The following DOCK2 variants were observed in gnomAD, a reference collection of about 807,000 sequenced individuals.
DOCK2 encodes the protein dedicator of cytokinesis 2, also known as dedicator of cytokinesis protein 2.
Under a neutral mutation model 248.9 loss-of-function variants are expected in DOCK2, and 87 were observed. The ratio of observed to expected loss-of-function variants is 0.35; its 90% CI spans 0.29 to 0.42. The LOEUF (loss-of-function observed/expected upper bound fraction) is 0.42. DOCK2 is among the 10% of genes least tolerant of loss of function. The pLI, the probability that DOCK2 is intolerant of heterozygous loss-of-function variation, is 1.00. For missense variants in DOCK2, 1,747 were observed against 2,300.2 expected, an observed-to-expected ratio of 0.76 and a Z score of 4.92; for synonymous variants, 805 against 821.6, an observed-to-expected ratio of 0.98 and a Z score of 0.35.
At chr5:169,696,735 C>A (rs954626856) in intron 10 of DOCK2, among the ~76,000 whole-genome samples, 1 of 152,008 alleles carries the variant, frequency 6.6e-6, no homozygotes, top group Non-Finnish European at 1.5e-5. Flanking sequence ...ATGCTCTGAT[C>A]TGTAATCGCA....
chr5:169,816,837 C>G (rs866988475), intron 26 of DOCK2, among the ~76,000 whole-genome samples: 1 of 152,096 alleles, frequency 6.6e-6, no homozygotes, highest in African/African-American at 2.4e-5. Context: ...ACAGTCAATG[C>G]GGTTATATTC....
At chr5:169,657,293 T>TG (rs1393506915) in intron 2 of DOCK2, among the ~76,000 whole-genome samples, 5 of 151,610 alleles carry the variant, frequency 3.3e-5, no homozygotes, top group Non-Finnish European at 7.4e-5. Flanking sequence ...TGATTCTGAT[T>TG]GAAAAAAAAA....
chr5:170,059,811 G>A (rs10045458), intron 44 of DOCK2, among the ~76,000 whole-genome samples: 33,221 of 152,142 alleles, frequency 0.22, 3,881 homozygotes, highest in African/African-American at 0.28. Context: ...TAAACTCAGC[G>A]TTTTGAAGTT....
intron 30 of DOCK2, among the ~76,000 whole-genome samples, chr5:169,997,314 C>G (rs1375555291): frequency 4.4e-5 from 6 of 136,918 alleles, no homozygotes; most frequent in South Asian, 2.5e-4. Flanking sequence ...GGTTTTATAC[C>G]GAGACATTCC....
At chr5:169,952,492 C>G (rs747152707) in intron 27 of DOCK2, among the ~76,000 whole-genome samples, 44 of 152,182 alleles carry the variant, frequency 2.9e-4, no homozygotes, top group Admixed American at 2.0e-3. Flanking sequence ...ACCTGTTTTT[C>G]TTAATGCTCC....
intron 40 of DOCK2, among the ~76,000 whole-genome samples, chr5:170,047,992 G>A (rs995920979): frequency 6.6e-6 from 1 of 152,176 alleles, no homozygotes; most frequent in Non-Finnish European, 1.5e-5. Context: ...AAAAATTATT[G>A]AGGATCCCAA....
At chr5:169,985,397 G>A (rs1300172119) in intron 28 of DOCK2, among the ~76,000 whole-genome samples, 12 of 148,298 alleles carry the variant, frequency 8.1e-5, no homozygotes, top group Admixed American at 6.7e-4. Flanking sequence ...GTGTGTGTAT[G>A]TGTGTGACAT....
intron 26 of DOCK2, among the ~76,000 whole-genome samples, chr5:169,822,259 G>C (rs112907183): frequency 1.3e-5 from 2 of 152,062 alleles, no homozygotes; most frequent in African/African-American, 4.8e-5. Context: ...AGCTCTGCAC[G>C]AAGCAGACCT....
intron 7 of DOCK2, among the ~76,000 whole-genome samples, chr5:169,682,520 T>C (rs1171066681): frequency 2.0e-5 from 3 of 152,090 alleles, no homozygotes; most frequent in African/African-American, 7.2e-5. Context: ...GCCTGAGGGG[T>C]TTTGGAAAAG....
intron 25 of DOCK2, among the ~76,000 whole-genome samples, chr5:169,770,462 G>A (rs1765022829): frequency 6.7e-6 from 1 of 149,812 alleles, no homozygotes; most frequent in African/African-American, 2.5e-5. Flanking sequence ...GTCTGGTGAA[G>A]TTTTTTAAAA....
intron 27 of DOCK2, among the ~76,000 whole-genome samples, chr5:169,932,855 C>T (rs1007280502): frequency 4.3e-4 from 64 of 150,302 alleles, no homozygotes; most frequent in African/African-American, 1.5e-3. Context: ...CATAATTTCC[C>T]AGGGCCAAAT....
intron 22 of DOCK2, among the ~76,000 whole-genome samples, chr5:169,733,766 A>C (rs758281958): frequency 6.6e-6 from 1 of 151,952 alleles, no homozygotes; most frequent in Non-Finnish European, 1.5e-5. Flanking sequence ...TGTTAGTCTT[A>C]CTATTGTTTC....
chr5:169,726,261 T>C (rs111326892), intron 22 of DOCK2, among the ~76,000 whole-genome samples: 22,837 of 152,254 alleles, frequency 0.15, 2,699 homozygotes, highest in Admixed American at 0.31. Context: ...TGACCAGTGA[T>C]AATGAGCATT....
At chr5:170,054,383 C>G (rs1049559948) in intron 41 of DOCK2, among the ~76,000 whole-genome samples, 7 of 152,146 alleles carry the variant, frequency 4.6e-5, no homozygotes, top group African/African-American at 1.7e-4. Context: ...GGAGTGGGAC[C>G]AGTGACCGCT....
chr5:169,780,112 T>C (rs975645085), intron 25 of DOCK2, among the ~76,000 whole-genome samples: 2 of 152,118 alleles, frequency 1.3e-5, no homozygotes, highest in Non-Finnish European at 2.9e-5. Context: ...TTGATCCTTT[T>C]GGATCTAGCA....
intron 27 of DOCK2, among the ~76,000 whole-genome samples, chr5:169,904,391 C>G (rs1278359136): frequency 6.6e-6 from 1 of 152,156 alleles, no homozygotes; most frequent in East Asian, 1.9e-4. Flanking sequence ...CTCTCTAAAT[C>G]ACCTACCTGT....
Position 170,077,721 on chromosome 5 carries a change from C to A in DOCK2, c.4878C>A (p.Asp1626Glu), listed in dbSNP as rs201318538. Reference sequence around the variant, plus strand: ...TTCTCCCACCACAGCCTGACTTTGACGACAGGAGAGTGGGCCGTCCCAGGT... The same window carrying A: ...TTCTCCCACCACAGCCTGACTTTGAAGACAGGAGAGTGGGCCGTCCCAGGT... ...EYGVREMPDF[D>E]DRRVGRPRSM... The change falls in exon 48 of 52, where the codon GAC becomes GAA. Residue 1626 changes from aspartate (D) to glutamate (E), a missense_variant. By Grantham distance (45) the Asp-to-Glu change is conservative. Coordinates refer to ENST00000520908, the MANE Select transcript of DOCK2 (RefSeq NM_004946.3). 2 of 1,613,770 alleles carry A rather than the reference C, an allele frequency of 1.2e-6. No individual in the cohort carries two copies. The highest frequency in any genetic ancestry group is 1.3e-5 in the African/African-American group (1 of 74,994).
chr5:169,722,004 A>G (rs1561636311), intron 22 of DOCK2, among the ~76,000 whole-genome samples: 1 of 152,198 alleles, frequency 6.6e-6, no homozygotes, highest in Non-Finnish European at 1.5e-5. Context: ...TGCCACAGGG[A>G]GGCAGTCTTA....
Position 170,069,275 on chromosome 5 carries a change from T to A in DOCK2, c.4728+55T>A, listed in dbSNP as rs971207053. ...TGCTCTCCTTCCTCTCCCCCCACCG[T>A]GGTTCACTTGCCCCACGCTAGGCTC... On this transcript the variant is annotated intron_variant, in intron 46 of 51. Transcript: ENST00000520908. 26 of 1,584,440 alleles carry A rather than the reference T, an allele frequency of 1.6e-5. No homozygotes were observed. The Admixed American group carries it at 4.5e-4, about 27-fold the overall frequency.
Sources: allele counts gnomAD v4.1 joint callset (sites outside exome capture counted in the v4.1 genomes callset), GRCh38; gene constraint gnomAD v4.1.1; transcripts MANE v1.5; gene names NCBI Gene and HGNC (gene_info 2026-07-23, HGNC 2026-07-21).